The following TSPAN14 variants were observed in gnomAD, a reference collection of about 807,000 sequenced individuals.
TSPAN14 encodes tetraspanin 14.
In TSPAN14, 16 loss-of-function variants were observed where a neutral mutation model predicts 36.6. That is an observed-to-expected ratio of 0.44 (90% CI 0.30 to 0.66). TSPAN14 has a LOEUF of 0.66. Ranked by LOEUF, TSPAN14 falls within the 30% of genes least tolerant of loss-of-function variation. TSPAN14 has a pLI of 0.12. For synonymous variants in TSPAN14, 139 were observed against 143.8 expected (o/e 0.97, Z 0.24); for missense variants, 231 against 355.1 (o/e 0.65, Z 2.81).
At chr10:80,503,358 C>T (rs1848633334) in intron 2 of TSPAN14, among the ~76,000 whole-genome samples, 1 of 152,152 alleles carries the variant, frequency 6.6e-6, no homozygotes, top group African/African-American at 2.4e-5. Context: ...GAGACGGTAT[C>T]TGGCACTCGG....
In TSPAN14 at chr10:80,517,895, T is replaced by G; in HGVS notation, c.742-10T>G. The G allele has an allele frequency of 1.3e-6, 2 of 1,559,958 alleles. No individual in the cohort carries two copies. The highest frequency in any genetic ancestry group is 1.7e-6 in the Non-Finnish European group (2 of 1,150,746). On this transcript the variant is annotated splice_polypyrimidine_tract_variant and intron_variant, in intron 8 of 8. Transcript: ENST00000429989. The stretch of plus-strand genomic sequence containing the variant: ...GCAATGGCCGCTGACTCTGCTGGTG[T>G]TGGTTTCAGATATTTGGCATCTTCC...
At chr10:80,512,095 C>T in intron 5 of TSPAN14, 49 bp from the exon 6 acceptor site, 2 of 1,612,852 alleles carry the variant, frequency 1.2e-6, no homozygotes, top group Non-Finnish European at 1.7e-6. Context: ...GCTGGGCAGC[C>T]ATGGCCCTGT....
intron 1 of TSPAN14, among the ~76,000 whole-genome samples, chr10:80,483,545 C>T (rs1269397682): frequency 2.0e-5 from 3 of 152,002 alleles, no homozygotes; most frequent in South Asian, 2.1e-4. Flanking sequence ...TGGTAGTAAC[C>T]GTTTCATCTG....
intron 1 of TSPAN14, among the ~76,000 whole-genome samples, chr10:80,467,716 C>T (rs1256436292): frequency 6.6e-6 from 1 of 152,118 alleles, no homozygotes; most frequent in African/African-American, 2.4e-5. Flanking sequence ...GTGATGATCA[C>T]CTCAAAAGAT....
chr10:80,485,437 C>T (rs180935474), intron 1 of TSPAN14, among the ~76,000 whole-genome samples: 404 of 152,294 alleles, frequency 2.7e-3, no homozygotes, highest in African/African-American at 9.4e-3. Context: ...GTTGGTGGCT[C>T]AGGAGCGCTC....
chr10:80,467,596 T>G (rs1225596134), intron 1 of TSPAN14, among the ~76,000 whole-genome samples: 3 of 152,226 alleles, frequency 2.0e-5, no homozygotes, highest in Non-Finnish European at 4.4e-5. Context: ...CTCCACTACC[T>G]GGAATCTCTC....
intron 1 of TSPAN14, among the ~76,000 whole-genome samples, chr10:80,483,911 CAAAAAAAAAAAAAAAAAAAAAAA>C (rs57795678): frequency 3.1e-3 from 51 of 16,542 alleles, no homozygotes; most frequent in East Asian, 0.025. Flanking sequence ...ACTCTTGTCT[CAAAAAAAAAAAAAAAAAAAAAAA>C]AAAAAAAAAA....
intron 1 of TSPAN14, among the ~76,000 whole-genome samples, chr10:80,475,049 C>T (rs1472557746): frequency 3.3e-5 from 5 of 152,164 alleles, no homozygotes; most frequent in Admixed American, 2.6e-4. Flanking sequence ...AGGTAGAGGA[C>T]ACCCAGTTGG....
intron 2 of TSPAN14, among the ~76,000 whole-genome samples, chr10:80,503,398 A>G (rs1275461409): frequency 6.6e-6 from 1 of 152,126 alleles, no homozygotes; most frequent in Non-Finnish European, 1.5e-5. Flanking sequence ...TGTTGAATGA[A>G]TGAGTGAGGA....
chr10:80,509,688 G>A lies in TSPAN14; in HGVS notation c.450+217G>A. ...GCCAGCCCTTTCCCATTGGGATTGGGCAGGCAAGTCCAGCTGTACCCGAGG... is the reference window on the plus strand; with the variant it reads ...GCCAGCCCTTTCCCATTGGGATTGGACAGGCAAGTCCAGCTGTACCCGAGG... On this transcript the variant is annotated intron_variant, in intron 5 of 8. Transcript: ENST00000429989. This position sits in a 1 kb window ranked among gnomAD's most constrained non-coding sequence, Gnocchi z 4.7. 5.3e-6 allele frequency: 3 copies of A among 568,388 alleles called. No homozygotes were observed. Among genetic ancestry groups the A allele is most frequent in the South Asian group, 2.2e-5 (1 of 46,506 alleles). The allele number at this position is 568,388 out of a possible 1,614,324, so 35.2% of individuals were successfully genotyped here. A position where few individuals can be genotyped will look rare whatever the true frequency, so the allele number is the denominator to read the frequency against.
At chr10:80,476,771 C>T (rs2131985044) in intron 1 of TSPAN14, among the ~76,000 whole-genome samples, 1 of 151,694 alleles carries the variant, frequency 6.6e-6, no homozygotes, top group African/African-American at 2.4e-5. Flanking sequence ...ATTTTTCATT[C>T]CCAGTTGGCT....
chr10:80,518,130 G>C, exon 9 of TSPAN14: 1 of 799,624 alleles, frequency 1.3e-6, no homozygotes, highest in Non-Finnish European at 2.0e-6. Context: ...GTTTCTGCTT[G>C]CTGGTGCTGA....
At chr10:80,487,279 TCTG>T (rs1847660145) in intron 1 of TSPAN14, among the ~76,000 whole-genome samples, 1 of 150,964 alleles carries the variant, frequency 6.6e-6, no homozygotes, top group South Asian at 2.1e-4. Context: ...TGATACCTGA[TCTG>T]CTGGGCATGG....
intron 3 of TSPAN14, among the ~76,000 whole-genome samples, chr10:80,505,811 A>G (rs890642975): frequency 6.6e-6 from 1 of 152,226 alleles, no homozygotes; most frequent in Non-Finnish European, 1.5e-5. Flanking sequence ...GGAGCTGGCT[A>G]CTACAATTCC....
chr10:80,485,083 A>AT (rs1361687949), intron 1 of TSPAN14, among the ~76,000 whole-genome samples: 1 of 151,940 alleles, frequency 6.6e-6, no homozygotes, highest in African/African-American at 2.4e-5. Context: ...TGAGATCCTA[A>AT]TTTTTTTTCT....
At chr10:80,520,477 C>G (rs1589316262) in exon 9 of TSPAN14, 1 of 453,322 alleles carries the variant, frequency 2.2e-6, no homozygotes, top group Non-Finnish European at 4.5e-6. Context: ...GTCCTGAATC[C>G]CCGCCTTCCC....
chr10:80,483,782 C>T (rs536189726), intron 1 of TSPAN14, among the ~76,000 whole-genome samples: 4 of 151,528 alleles, frequency 2.6e-5, no homozygotes, highest in African/African-American at 4.9e-5. Flanking sequence ...TGGTGTCGGT[C>T]GCCTGTAATC....
At chr10:80,489,602 T>TC (rs993433726) in intron 2 of TSPAN14, among the ~76,000 whole-genome samples, 4 of 152,246 alleles carry the variant, frequency 2.6e-5, no homozygotes, top group Admixed American at 2.6e-4. Context: ...TGCCCCCTGT[T>TC]CCGATCCTGG....
At chr10:80,467,565 A>G (rs1259224594) in intron 1 of TSPAN14, among the ~76,000 whole-genome samples, 3 of 152,220 alleles carry the variant, frequency 2.0e-5, no homozygotes, top group African/African-American at 7.2e-5. Context: ...ATCTAACTCC[A>G]AAATGGTTCT....
Sources: allele counts gnomAD v4.1 joint callset (sites outside exome capture counted in the v4.1 genomes callset), GRCh38; gene constraint gnomAD v4.1.1; non-coding constraint Gnocchi (gnomAD v3.1); transcripts MANE v1.5; gene names NCBI Gene and HGNC (gene_info 2026-07-23, HGNC 2026-07-21).